The following ZNF407 variants were observed in gnomAD, a reference collection of about 807,000 sequenced individuals.
The protein encoded by ZNF407 is zinc finger protein 407.
In ZNF407, 17 loss-of-function variants were observed where a neutral mutation model predicts 131.2. The observed-to-expected ratio is 0.13, with a 90% CI of 0.09 to 0.19. The LOEUF (loss-of-function observed/expected upper bound fraction) is 0.19. Ranked by LOEUF, ZNF407 falls within the 10% of genes least tolerant of loss-of-function variation. ZNF407 has a pLI of 1.00. For missense variants in ZNF407, 2,681 were observed against 2,830.6 expected (o/e 0.95, Z 1.20); for synonymous variants, 1,156 against 1,062.0 (o/e 1.09, Z -1.72).
intron 7 of ZNF407, among the ~76,000 whole-genome samples, chr18:74,910,819 A>C (rs1365729170): frequency 6.6e-6 from 1 of 151,874 alleles, no homozygotes; most frequent in Non-Finnish European, 1.5e-5. Context: ...TTTTTCCCCC[A>C]CTTTTAAATT....
chr18:74,839,875 C>G (rs1385241999), intron 4 of ZNF407, among the ~76,000 whole-genome samples: 1 of 152,040 alleles, frequency 6.6e-6, no homozygotes, highest in Non-Finnish European at 1.5e-5. Flanking sequence ...TTATGGATAC[C>G]AGGAAGAGTC....
At chr18:74,720,652 G>C (rs770400645) in intron 3 of ZNF407, among the ~76,000 whole-genome samples, 64 of 152,108 alleles carry the variant, frequency 4.2e-4, no homozygotes, top group Non-Finnish European at 6.6e-4. Context: ...TTAGGTGCTT[G>C]ATCCATTTTG....
intron 1 of ZNF407, among the ~76,000 whole-genome samples, chr18:74,629,695 G>A (rs943547108): frequency 6.6e-6 from 1 of 152,138 alleles, no homozygotes; most frequent in African/African-American, 2.4e-5. Context: ...GGAAAAAATA[G>A]CTAAAATAGT....
At chr18:74,798,533 A>G (rs1226842408) in intron 4 of ZNF407, among the ~76,000 whole-genome samples, 2 of 152,176 alleles carry the variant, frequency 1.3e-5, no homozygotes, top group Non-Finnish European at 2.9e-5. Flanking sequence ...ACAGAGGGAT[A>G]TATATGATGG....
intron 7 of ZNF407, among the ~76,000 whole-genome samples, chr18:74,916,412 AGT>A (rs543790604): frequency 3.8e-4 from 27 of 70,382 alleles, no homozygotes; most frequent in African/African-American, 8.8e-4. Flanking sequence ...TCGAATCGGG[AGT>A]GTGTGTGTGT....
chr18:74,812,222 CA>C (rs1970207318), intron 4 of ZNF407, among the ~76,000 whole-genome samples: 1 of 151,970 alleles, frequency 6.6e-6, no homozygotes, highest in Non-Finnish European at 1.5e-5. Flanking sequence ...AGATGTCTGG[CA>C]GTAGCTTAGA....
chr18:74,798,102 C>T (rs1969954569), intron 4 of ZNF407, among the ~76,000 whole-genome samples: 1 of 151,784 alleles, frequency 6.6e-6, no homozygotes, highest in South Asian at 2.1e-4. Flanking sequence ...TTTTTCATGT[C>T]TGAATCATAA....
intron 3 of ZNF407, among the ~76,000 whole-genome samples, chr18:74,771,413 A>G (rs546841601): frequency 6.6e-6 from 1 of 152,206 alleles, no homozygotes; most frequent in East Asian, 1.9e-4. Context: ...ATTAATAGGT[A>G]AGAGAAGTAG....
intron 2 of ZNF407, among the ~76,000 whole-genome samples, chr18:74,639,207 A>G (rs1984598438): frequency 2.6e-5 from 4 of 152,222 alleles, no homozygotes. Flanking sequence ...TCTGTGCCAC[A>G]GGAGGAGGAG....
In ZNF407 at chr18:74,969,081, T is replaced by C. The variant is rs542768198; in HGVS notation, c.5428+48389T>C. On this transcript the variant is annotated intron_variant, in intron 8 of 8. Coordinates refer to ENST00000299687, the MANE Select transcript of ZNF407 (RefSeq NM_017757.3). ...AGCCAATGATTTTTAAGATTTTTAT[T>C]GCATTTTTTCAGTTCTGTAAATTCC... Among the ~76,000 whole-genome samples, 151 of 152,352 alleles carry C rather than the reference T, an allele frequency of 9.9e-4. 1 individual carries two copies. Among genetic ancestry groups the C allele is most frequent in the Non-Finnish European group, 1.5e-3 (99 of 68,020 alleles).
At chr18:74,755,582 GTTTTT>G (rs541126314) in intron 3 of ZNF407, among the ~76,000 whole-genome samples, 13 of 87,336 alleles carry the variant, frequency 1.5e-4, no homozygotes, top group African/African-American at 7.4e-4. Flanking sequence ...CTCCTTTCTG[GTTTTT>G]TTTTTTTTTT....
intron 8 of ZNF407, among the ~76,000 whole-genome samples, chr18:75,052,684 T>A (rs1568312642): frequency 6.6e-6 from 1 of 152,244 alleles, no homozygotes. Flanking sequence ...GTTTCTTAGG[T>A]ACCTGAGTTT....
intron 4 of ZNF407, among the ~76,000 whole-genome samples, chr18:74,857,362 T>C (rs1281856384): frequency 6.6e-6 from 1 of 152,232 alleles, no homozygotes; most frequent in Non-Finnish European, 1.5e-5. Flanking sequence ...ATATTCTTCC[T>C]TAATATTTAC....
chr18:74,789,390 G>T (rs955513590), intron 4 of ZNF407, among the ~76,000 whole-genome samples: 61 of 152,086 alleles, frequency 4.0e-4, no homozygotes, highest in African/African-American at 9.4e-4. Flanking sequence ...CTAAGGTAGA[G>T]AACTAAGATC....
At chr18:74,996,198 C>T (rs1318139232) in intron 8 of ZNF407, among the ~76,000 whole-genome samples, 1 of 152,060 alleles carries the variant, frequency 6.6e-6, no homozygotes, top group African/African-American at 2.4e-5. Context: ...AAGGTAAATC[C>T]TACTAGATGA....
At chr18:74,724,973 T>G (rs1353339810) in intron 3 of ZNF407, among the ~76,000 whole-genome samples, 6 of 152,220 alleles carry the variant, frequency 3.9e-5, no homozygotes, top group African/African-American at 1.4e-4. Context: ...CCTTTCAAGC[T>G]TTAACTTTAG....
chr18:74,922,841 G>A (rs565511035), intron 8 of ZNF407, among the ~76,000 whole-genome samples: 7 of 152,246 alleles, frequency 4.6e-5, no homozygotes, highest in African/African-American at 7.2e-5. Flanking sequence ...CATGACCTTC[G>A]GGGAAGATGG....
intron 8 of ZNF407, among the ~76,000 whole-genome samples, chr18:75,046,418 T>C (rs1045647642): frequency 1.3e-5 from 2 of 152,152 alleles, no homozygotes; most frequent in South Asian, 2.1e-4. Flanking sequence ...CTGAGAAAGA[T>C]GAATAGGAAA....
At chr18:74,657,969 T>G (rs888245088) in intron 3 of ZNF407, among the ~76,000 whole-genome samples, 4 of 151,532 alleles carry the variant, frequency 2.6e-5, no homozygotes, top group African/African-American at 7.3e-5. Flanking sequence ...CATTTCCTCC[T>G]CTTTCCTTTC....
Sources: gnomAD v4.1 joint callset for allele counts (sites outside exome capture counted in the v4.1 genomes callset) on GRCh38, gnomAD v4.1.1 for gene constraint, MANE v1.5 for transcripts, NCBI Gene and HGNC (gene_info 2026-07-23, HGNC 2026-07-21) for gene names.